ATAD2B: variants seen among roughly 807,000 people sequenced by gnomAD.
ATAD2B encodes the protein ATPase family AAA domain-containing protein 2B.
In ATAD2B, 40 loss-of-function variants were observed where a neutral mutation model predicts 167.6. That is an observed-to-expected ratio of 0.24 (90% CI 0.19 to 0.31). ATAD2B has a LOEUF of 0.31. Ranked by LOEUF, ATAD2B falls within the 10% of genes least tolerant of loss-of-function variation. The pLI is 1.00. For missense variants in ATAD2B, 1,242 were observed against 1,757.2 expected (o/e 0.71, Z 5.24); for synonymous variants, 579 against 596.5 (o/e 0.97, Z 0.43).
intron 25 of ATAD2B, among the ~76,000 whole-genome samples, chr2:23,756,989 A>AT (rs1676024630): frequency 6.6e-6 from 1 of 152,182 alleles, no homozygotes; most frequent in Non-Finnish European, 1.5e-5. Flanking sequence ...ATCTAGGTCT[A>AT]TATTACTCTT....
chr2:23,751,927 TGA>T lies in ATAD2B; in HGVS notation c.*117_*118del, dbSNP rs1675395221. The stretch of plus-strand genomic sequence containing the variant: ...AAATTCAACAGAGAGAAAGAATGAG[TGA>T]GAGAGCACTTTACACCAAGGCTCTG... On this transcript the variant is annotated 3_prime_UTR_variant, in exon 28 of 28. Coordinates refer to ENST00000238789, the MANE Select transcript of ATAD2B (RefSeq NM_017552.4). 3.7e-6 allele frequency: 3 copies of T among 806,394 alleles called. No individual in the cohort carries two copies. Among genetic ancestry groups the T allele is most frequent in the Non-Finnish European group, 2.0e-6 (1 of 501,794 alleles). 50.0% of individuals were successfully genotyped at this position (806,394 alleles called of 1,614,324 possible).
intron 6 of ATAD2B, among the ~76,000 whole-genome samples, chr2:23,884,489 C>T (rs1246269409): frequency 6.6e-6 from 1 of 151,784 alleles, no homozygotes; most frequent in Non-Finnish European, 1.5e-5. Flanking sequence ...GCAAATGAGC[C>T]CAAAGTAAAT....
intron 1 of ATAD2B, among the ~76,000 whole-genome samples, chr2:23,910,930 GT>G (rs1702204204): frequency 6.6e-6 from 1 of 150,864 alleles, no homozygotes; most frequent in African/African-American, 2.4e-5. Context: ...AGAGTCTGTA[GT>G]TAAAGGTAAC....
the ATAD2B span, among the ~76,000 whole-genome samples, chr2:23,682,140 G>GCCCCACGGGGT: frequency 2.0e-5 from 3 of 152,212 alleles, no homozygotes; most frequent in East Asian, 5.8e-4. The surrounding 1 kb of genome is among the most constrained non-coding windows in gnomAD (Gnocchi z 4.1). Flanking sequence ...CCTGCACTGA[G>GCCCCACGGGGT]CCCCACGGGG....
At chr2:23,819,722 A>C (rs1388220797) in intron 17 of ATAD2B, 25 bp downstream of exon 17, 2 of 1,546,184 alleles carry the variant, frequency 1.3e-6, no homozygotes, top group African/African-American at 2.8e-5. Flanking sequence ...TCTAAATACA[A>C]AGAAAGTTGA....
chr2:23,723,653 C>T, the ATAD2B span, among the ~76,000 whole-genome samples: 1 of 152,188 alleles, frequency 6.6e-6, no homozygotes, highest in Admixed American at 6.5e-5. Flanking sequence ...GGAATTCTTA[C>T]ACACCATTGG....
intron 12 of ATAD2B, among the ~76,000 whole-genome samples, chr2:23,858,690 C>T (rs188249981): frequency 1.3e-5 from 2 of 151,976 alleles, no homozygotes; most frequent in African/African-American, 4.8e-5. Flanking sequence ...ACTATGTTGC[C>T]CGGGATGGTC....
At chr2:23,881,360 C>CTTTTTTTTTTTTTTTTTTTTTTTTT (rs11361642) in intron 6 of ATAD2B, among the ~76,000 whole-genome samples, 1 of 80,210 alleles carries the variant, frequency 1.2e-5, no homozygotes, top group African/African-American at 5.0e-5. Context: ...GTGATCAATT[C>CTTTTTTTTTTTTTTTTTTTTTTTTT]TTTTTTTTTT....
At chr2:23,784,627 T>C (rs957456774) in intron 21 of ATAD2B, among the ~76,000 whole-genome samples, 1 of 152,118 alleles carries the variant, frequency 6.6e-6, no homozygotes, top group African/African-American at 2.4e-5. Flanking sequence ...GGAAGTTGAG[T>C]TGGGGGCAAG....
chr2:23,826,302 C>T (rs1223783858), intron 15 of ATAD2B, among the ~76,000 whole-genome samples: 3 of 152,214 alleles, frequency 2.0e-5, no homozygotes, highest in African/African-American at 7.2e-5. Context: ...AGGGTAACCA[C>T]ATGTGCTGGT....
chr2:23,858,476 G>A (rs1416106152), intron 12 of ATAD2B, among the ~76,000 whole-genome samples: 1 of 146,964 alleles, frequency 6.8e-6, no homozygotes, highest in Non-Finnish European at 1.5e-5. Context: ...GTATACTTAA[G>A]ACCTGTCTCA....
At chr2:23,917,246 A>G (rs1703174416) in intron 1 of ATAD2B, among the ~76,000 whole-genome samples, 1 of 152,208 alleles carries the variant, frequency 6.6e-6, no homozygotes, top group Non-Finnish European at 1.5e-5. Context: ...ATTACCTCCA[A>G]ATTTCTGTCT....
At chr2:23,865,690 G>C (rs919024026) in intron 10 of ATAD2B, among the ~76,000 whole-genome samples, 2 of 152,056 alleles carry the variant, frequency 1.3e-5, no homozygotes, top group African/African-American at 2.4e-5. Flanking sequence ...GACCTCCCAA[G>C]GTCAATGTTA....
rs2150471183 is a variant in ATAD2B, at chr2:23,906,033, C to T, written c.217-10063G>A. Among the ~76,000 whole-genome samples the T allele has an allele frequency of 2.6e-5, 4 of 152,232 alleles. 1 individual carries two copies. In the South Asian group the frequency reaches 8.3e-4, roughly 32 times the overall value. On this transcript the variant is annotated intron_variant, in intron 1 of 27. Transcript: ENST00000238789. Reference sequence around the variant, plus strand: ...ATTATCGTTAGACCCAGTAATTCCACTTTATCTAAAAGAGAAAGGTCGGCT... The same window carrying T: ...ATTATCGTTAGACCCAGTAATTCCATTTTATCTAAAAGAGAAAGGTCGGCT...
At chr2:23,926,532 G>A (rs760811646) in intron 1 of ATAD2B, 23 bp downstream of exon 1, 1 of 1,536,910 alleles carries the variant, frequency 6.5e-7, no homozygotes, top group Non-Finnish European at 8.7e-7. Context: ...CGAGCCTCCG[G>A]ACTCGGGACG....
the ATAD2B span, chr2:23,693,643 T>TGGCAGAGAGGTGAAGGGCG: frequency 5.5e-5 from 62 of 1,133,996 alleles, no homozygotes; most frequent in Admixed American, 2.8e-4. Context: ...TCTCCCTAAG[T>TGGCAGAGAGGTGAAGGGCG]GGCAGAGAGG....
At chr2:23,735,148 A>C in the ATAD2B span, among the ~76,000 whole-genome samples, 3 of 152,136 alleles carry the variant, frequency 2.0e-5, no homozygotes, top group Non-Finnish European at 4.4e-5. Flanking sequence ...AAGACCCCAA[A>C]CTACCTATAC....
At chr2:23,904,537 C>CTTTT (rs34666567) in intron 1 of ATAD2B, among the ~76,000 whole-genome samples, 2,301 of 137,632 alleles carry the variant, frequency 0.017, 33 homozygotes, top group Middle Eastern at 0.042. Flanking sequence ...ATTTTCCTTC[C>CTTTT]TTTTTTTTTT....
the ATAD2B span, among the ~76,000 whole-genome samples, chr2:23,687,250 G>C: frequency 6.6e-6 from 1 of 152,110 alleles, no homozygotes; most frequent in African/African-American, 2.4e-5. Context: ...GGCCCTCCCT[G>C]GGTGAGCCCT....
Sources: allele counts gnomAD v4.1 joint callset (sites outside exome capture counted in the v4.1 genomes callset), GRCh38; gene constraint gnomAD v4.1.1; non-coding constraint Gnocchi (gnomAD v3.1); transcripts MANE v1.5; gene names NCBI Gene and HGNC (gene_info 2026-07-23, HGNC 2026-07-21).